The following DNAJC18 variants were observed in gnomAD, a reference collection of about 807,000 sequenced individuals.
The protein encoded by DNAJC18 is DnaJ heat shock protein family (Hsp40) member C18.
A neutral mutation model predicts 48.6 loss-of-function variants in DNAJC18; 40 were observed. The ratio of observed to expected loss-of-function variants is 0.82; its 90% CI spans 0.64 to 1.07. The LOEUF (loss-of-function observed/expected upper bound fraction) is 1.07, where lower values mean the gene tolerates loss of function less well. Among genes scored for constraint, DNAJC18 ranks in the 50% least tolerant of loss-of-function variants. DNAJC18 has a pLI of 0.00. For missense variants in DNAJC18, 340 were observed against 427.7 expected (o/e 0.79, Z 1.81); for synonymous variants, 135 against 152.2 (o/e 0.89, Z 0.83).
chr5:139,426,162 G>A lies in DNAJC18; in HGVS notation c.559+10C>T, dbSNP rs569546314. On this transcript the variant is annotated intron_variant, in intron 4 of 7. Coordinates refer to ENST00000302060, the MANE Select transcript of DNAJC18 (RefSeq NM_152686.4). Reference sequence around the variant, plus strand: ...AATATGTTTAAGAATGATAATTTGGGGAGACTAACCTGTAGGAAAATGTCC... The same window carrying A: ...AATATGTTTAAGAATGATAATTTGGAGAGACTAACCTGTAGGAAAATGTCC... The A allele has an allele frequency of 1.5e-4, 240 of 1,608,210 alleles. 2 individuals carry two copies. The South Asian group carries it at 2.4e-3, about 16-fold the overall frequency.
In DNAJC18 at chr5:139,439,395, G is replaced by C. The variant is rs1750744822; in HGVS notation, c.40+11C>G. On this transcript the variant is annotated intron_variant, in intron 1 of 7. Coordinates refer to ENST00000302060, the MANE Select transcript of DNAJC18 (RefSeq NM_152686.4). This position sits in a 1 kb window ranked among gnomAD's most constrained non-coding sequence, Gnocchi z 4.1. ...GCCGCCCTATCCCTCCTTCAGGCGG[G>C]GACCTAGTACCTTCCGTCCAGCGCT... 1.2e-6 allele frequency: 2 copies of C among 1,614,036 alleles called. No homozygotes were observed. The highest frequency in any genetic ancestry group is 2.2e-5 in the East Asian group (1 of 44,902).
At chr5:139,425,773 C>T (rs1187945124) in intron 4 of DNAJC18, among the ~76,000 whole-genome samples, 2 of 152,192 alleles carry the variant, frequency 1.3e-5, no homozygotes, top group Non-Finnish European at 2.9e-5. Context: ...ATTCAATTTA[C>T]TTCCTGGGCA....
At position 139,411,514 on chromosome 5, in the gene DNAJC18, A is replaced by G. The variant is rs1278942886; in HGVS notation, c.*2634T>C. The G allele has an allele frequency of 1.3e-5, 2 of 152,242 alleles. No homozygotes were observed. The highest frequency in any genetic ancestry group is 4.8e-5 in the African/African-American group (2 of 41,454). 9.4% of individuals were successfully genotyped at this position (152,242 alleles called of 1,614,324 possible). A position where few individuals can be genotyped will look rare whatever the true frequency, so the allele number is the denominator to read the frequency against. On this transcript the variant is annotated 3_prime_UTR_variant, in exon 8 of 8. Transcript: ENST00000302060. ...GGACGTAGGCGAGAGGAAAAAGCTT[A>G]TTTTACCACCATGCAGACAACCCAT...
rs1392946034 is a variant in DNAJC18, at chr5:139,412,686, A to C, written c.*1462T>G. ...GCAGCTCAGCTCCACAGGAAGGCCCAGAACCACACAGCCCAGGCAGTGACT... is the reference window on the plus strand; with the variant it reads ...GCAGCTCAGCTCCACAGGAAGGCCCCGAACCACACAGCCCAGGCAGTGACT... On this transcript the variant is annotated 3_prime_UTR_variant, in exon 8 of 8. Coordinates refer to ENST00000302060, the MANE Select transcript of DNAJC18 (RefSeq NM_152686.4). 1 of 398,682 alleles carries C rather than the reference A, an allele frequency of 2.5e-6. No homozygotes were observed. Among genetic ancestry groups the C allele is most frequent in the African/African-American group, 2.1e-5 (1 of 48,658 alleles). The allele number at this position is 398,682 out of a possible 1,614,324, so 24.7% of individuals were successfully genotyped here. A position where few individuals can be genotyped will look rare whatever the true frequency, so the allele number is the denominator to read the frequency against.
intron 5 of DNAJC18, among the ~76,000 whole-genome samples, chr5:139,424,660 T>C (rs1421194755): frequency 7.2e-6 from 1 of 139,212 alleles, no homozygotes; most frequent in Admixed American, 8.2e-5. Flanking sequence ...TTTGAGGCTG[T>C]AGTGAGCTGT....
chr5:139,416,364 T>C (rs1759069239), intron 7 of DNAJC18, among the ~76,000 whole-genome samples: 1 of 152,068 alleles, frequency 6.6e-6, no homozygotes, highest in African/African-American at 2.4e-5. Flanking sequence ...CTCAGGCAAA[T>C]TGCCAAGAGA....
At chr5:139,434,437 C>A (rs2152085105) in intron 2 of DNAJC18, among the ~76,000 whole-genome samples, 1 of 152,266 alleles carries the variant, frequency 6.6e-6, no homozygotes, top group East Asian at 1.9e-4. Flanking sequence ...GATCCACCTA[C>A]CTCAGCCTTC....
In DNAJC18 at chr5:139,425,118, G is replaced by A. The variant is rs777624793; in HGVS notation, c.560-4C>T. ...TTTGAAAACATATGAATATTTCCTG[G>A]AAAAGAAATACATGGTATGGGATAT... is the stretch of plus-strand genomic sequence containing the variant. On this transcript the variant is annotated splice_region_variant and splice_polypyrimidine_tract_variant and intron_variant, in intron 4 of 7. Coordinates refer to ENST00000302060, the MANE Select transcript of DNAJC18 (RefSeq NM_152686.4). The A allele has an allele frequency of 5.6e-6, 9 of 1,607,730 alleles. No homozygotes were observed. The highest frequency in any genetic ancestry group is 1.7e-4 in the Middle Eastern group (1 of 6,028).
chr5:139,423,911 C>G (rs138928809), intron 5 of DNAJC18, among the ~76,000 whole-genome samples: 396 of 152,228 alleles, frequency 2.6e-3, no homozygotes, highest in African/African-American at 9.1e-3. Flanking sequence ...CCCTGCAGCC[C>G]CATTAATAAG....
chr5:139,415,499 A>G (rs1261137363), intron 7 of DNAJC18, among the ~76,000 whole-genome samples: 1 of 152,230 alleles, frequency 6.6e-6, no homozygotes, highest in Non-Finnish European at 1.5e-5. Flanking sequence ...CTAGCCCAGC[A>G]GTTGCTTGGC....
Position 139,437,500 on chromosome 5 carries a change from A to G in DNAJC18, c.99T>C (p.His33=), listed in dbSNP as rs763251975. 2.5e-6 allele frequency: 4 copies of G among 1,614,136 alleles called. No homozygotes were observed. The highest frequency in any genetic ancestry group is 3.4e-6 in the Non-Finnish European group (4 of 1,180,026). Residue 33 remains histidine, a synonymous_variant, in exon 2 of 8, where the codon CAT becomes CAC. Transcript: ENST00000302060. ...KYPEDTPPES[H]DPCGCCNCMK... ...TGCAGTTACAGCAGCCACAGGGGTC[A>G]TGACTCTCAGGAGGTGTGTCTTCTG...
chr5:139,421,936 GT>G lies in DNAJC18; in HGVS notation c.779+771del, dbSNP rs138829267. ...GTCTAATAAATTCTACTTTTAAAAG[GT>G]TTTTTTCCCACTAAATTATAATAAT... On this transcript the variant is annotated intron_variant, in intron 6 of 7. Coordinates refer to ENST00000302060, the MANE Select transcript of DNAJC18 (RefSeq NM_152686.4). Among the ~76,000 whole-genome samples, 722 of 151,964 alleles carry G rather than the reference GT, an allele frequency of 4.8e-3. 10 individuals are homozygous for G. The highest frequency in any genetic ancestry group is 0.032 in the South Asian group (156 of 4,808).
intron 2 of DNAJC18, among the ~76,000 whole-genome samples, chr5:139,431,063 T>C (rs769842234): frequency 1.3e-5 from 2 of 151,966 alleles, no homozygotes; most frequent in Non-Finnish European, 2.9e-5. Context: ...TAATGCAGGG[T>C]CTGGGCTGTC....
intron 7 of DNAJC18, chr5:139,418,698 A>G (rs1051750971): frequency 2.2e-6 from 1 of 455,812 alleles, no homozygotes; most frequent in Admixed American, 2.3e-5. Flanking sequence ...CAGGTCCCTA[A>G]GGGTGAGCTA....
intron 7 of DNAJC18, chr5:139,419,040 C>T (rs1759110279): frequency 2.4e-6 from 1 of 419,108 alleles, no homozygotes; most frequent in South Asian, 1.7e-5. Flanking sequence ...GAGGGCTTAG[C>T]AGCACTGTGA....
chr5:139,437,261 C>T, intron 2 of DNAJC18, 111 bp downstream of exon 2: 1 of 1,353,732 alleles, frequency 7.4e-7, no homozygotes. Context: ...TAGTATGCCT[C>T]AATTATCATC....
intron 2 of DNAJC18, 85 bp from the exon 3 acceptor site, chr5:139,428,768 T>TCTGTGGGACCCAAAACAAA: frequency 6.8e-7 from 1 of 1,480,576 alleles, no homozygotes; most frequent in Non-Finnish European, 9.0e-7. Context: ...CTACCTCCAA[T>TCTGTGGGACCCAAAACAAA]CTGTGGGACC....
rs994919630 is a variant in DNAJC18 at position 139,411,013 on chromosome 5, C to T, written c.*3135G>A. On this transcript the variant is annotated 3_prime_UTR_variant, in exon 8 of 8. Transcript: ENST00000302060. The stretch of plus-strand genomic sequence containing the variant: ...GGAACTCCTGACCTCAAATGATCTG[C>T]CTGCCTCAGCCTTTCAAAGTGCTGG... The T allele has an allele frequency of 6.6e-6, 1 of 152,252 alleles. No individual in the cohort carries two copies. Among genetic ancestry groups the T allele is most frequent in the Non-Finnish European group, 1.5e-5 (1 of 68,074 alleles). 9.4% of individuals were successfully genotyped at this position (152,252 alleles called of 1,614,324 possible).
At chr5:139,419,974 G>C in intron 7 of DNAJC18, 79 bp downstream of exon 7, 2 of 1,366,526 alleles carry the variant, frequency 1.5e-6, no homozygotes, top group Non-Finnish European at 2.0e-6. Flanking sequence ...AACAAGAAGA[G>C]AGGAGGGATC....
Sources: gnomAD v4.1 joint callset for allele counts (sites outside exome capture counted in the v4.1 genomes callset) on GRCh38, gnomAD v4.1.1 for gene constraint, Gnocchi (gnomAD v3.1) non-coding constraint, MANE v1.5 for transcripts, NCBI Gene and HGNC (gene_info 2026-07-23, HGNC 2026-07-21) for gene names.